Variants in RNF38 observed in about 807,000 individuals in gnomAD.
RNF38 encodes ring finger protein 38, also known as E3 ubiquitin-protein ligase RNF38.
Under a neutral mutation model 67.2 loss-of-function variants are expected in RNF38, and 15 were observed. The observed-to-expected ratio is 0.22, with a 90% CI of 0.15 to 0.34. The LOEUF (loss-of-function observed/expected upper bound fraction) is 0.34. Among genes scored for constraint, RNF38 ranks in the 10% least tolerant of loss-of-function variants. The pLI is 1.00. For synonymous variants in RNF38, 220 were observed against 218.8 expected, an observed-to-expected ratio of 1.01 and a Z score of -0.05; for missense variants, 524 against 639.9, an observed-to-expected ratio of 0.82 and a Z score of 1.95.
At chr9:36,485,304 G>GTATATATATA (rs1156313770) in intron 1 of RNF38, among the ~76,000 whole-genome samples, 3 of 150,276 alleles carry the variant, frequency 2.0e-5, no homozygotes, top group African/African-American at 7.6e-5. Context: ...ATCTCTTAGG[G>GTATATATATA]TATATATACA....
chr9:36,389,681 T>C (rs1455388064), intron 2 of RNF38, among the ~76,000 whole-genome samples: 1 of 152,214 alleles, frequency 6.6e-6, no homozygotes, highest in Non-Finnish European at 1.5e-5. Flanking sequence ...ACTTTATGTG[T>C]CACAAGCATT....
chr9:36,451,484 T>A, intron 1 of RNF38, among the ~76,000 whole-genome samples: 1 of 142,254 alleles, frequency 7.0e-6, no homozygotes, highest in Non-Finnish European at 1.5e-5. Flanking sequence ...AAAAAAAAAT[T>A]GTAGTAGTTT....
chr9:36,473,106 T>C (rs1840034655), intron 1 of RNF38, among the ~76,000 whole-genome samples: 1 of 151,248 alleles, frequency 6.6e-6, no homozygotes, highest in Non-Finnish European at 1.5e-5. Flanking sequence ...CACTCCAGCC[T>C]GGGTGACAAG....
intron 1 of RNF38, among the ~76,000 whole-genome samples, chr9:36,476,300 T>G (rs1033367778): frequency 5.9e-5 from 9 of 151,896 alleles, no homozygotes; most frequent in African/African-American, 1.2e-4. Flanking sequence ...TGTATTTTAG[T>G]AGAGACGGGG....
chr9:36,413,234 T>TA (rs1358283240), intron 2 of RNF38, among the ~76,000 whole-genome samples: 119 of 139,724 alleles, frequency 8.5e-4, no homozygotes, highest in East Asian at 1.2e-3. Context: ...CATCTCAATT[T>TA]AAAAAAAAAA....
intron 2 of RNF38, among the ~76,000 whole-genome samples, chr9:36,389,362 C>A (rs949238905): frequency 6.7e-6 from 1 of 149,712 alleles, no homozygotes; most frequent in Non-Finnish European, 1.5e-5. Context: ...AAAAAAAAAC[C>A]CTTTTTATTG....
At chr9:36,400,898 C>G (rs1318063592), upstream of RNF38, 5 of 982,112 alleles carry the variant, frequency 5.1e-6, no homozygotes, top group Non-Finnish European at 6.0e-6. Context: ...GGCCACGCCC[C>G]TCCCCGCCCC....
chr9:36,400,671 G>A (rs1384000420), upstream of RNF38: 6 of 985,710 alleles, frequency 6.1e-6, no homozygotes, highest in Non-Finnish European at 7.2e-6. Context: ...CCGTCCGCGG[G>A]CCTCCTCACC....
chr9:36,459,069 G>T (rs1482929277), intron 1 of RNF38, among the ~76,000 whole-genome samples: 3 of 151,998 alleles, frequency 2.0e-5, no homozygotes, highest in African/African-American at 7.2e-5. Context: ...TTAGGTGGGC[G>T]TGGTAGTGCA....
At chr9:36,356,519 T>C in intron 5 of RNF38, 46 bp from the exon 6 acceptor site, 3 of 1,462,884 alleles carry the variant, frequency 2.1e-6, no homozygotes, top group Non-Finnish European at 2.8e-6. Flanking sequence ...TCAGAATATA[T>C]GATTAATTTA....
upstream of RNF38, chr9:36,400,879 G>A (rs372408527): frequency 2.3e-4 from 227 of 984,462 alleles, 4 homozygotes; most frequent in East Asian, 0.014. Flanking sequence ...CGCACTAGGG[G>A]CCCGGCCCGG....
chr9:36,336,641 G>C lies in RNF38; in HGVS notation c.*3111C>G, dbSNP rs1016045380. On this transcript the variant is annotated 3_prime_UTR_variant, in exon 12 of 12. Coordinates refer to ENST00000259605, the MANE Select transcript of RNF38 (RefSeq NM_022781.5). ...ACAATGGAATATGATTTGAGAAAAT[G>C]ACTCAGCAAATGATTCCAAAAAACA... The C allele has an allele frequency of 6.6e-6, 1 of 152,496 alleles. No individual in the cohort carries two copies. Among genetic ancestry groups the C allele is most frequent in the Admixed American group, 6.6e-5 (1 of 15,256 alleles). 9.4% of individuals were successfully genotyped at this position (152,496 alleles called of 1,614,324 possible).
rs867796825 is a variant in RNF38, at chr9:36,450,601, C to A, written n.242-25918G>T. On this transcript the variant is annotated intron_variant and non_coding_transcript_variant, in intron 1 of 3. Coordinates refer to the RNF38 transcript ENST00000488058. ...TGAGTATTTCCTAACTTAATCATCACTATACCTATTCAATTCTCAAAATTA... is the reference window on the plus strand; with the variant it reads ...TGAGTATTTCCTAACTTAATCATCAATATACCTATTCAATTCTCAAAATTA... 5.9e-5 allele frequency among the ~76,000 whole-genome samples: 9 copies of A among 152,274 alleles called. 1 individual carries two copies. In the East Asian group the frequency reaches 7.7e-4, roughly 13 times the overall value.
chr9:36,425,171 T>C (rs1308810391), intron 1 of RNF38, among the ~76,000 whole-genome samples: 1 of 152,230 alleles, frequency 6.6e-6, no homozygotes, highest in East Asian at 1.9e-4. Flanking sequence ...AATATACCCA[T>C]TTGTAAATTT....
At chr9:36,475,012 T>C (rs1332350483) in intron 1 of RNF38, among the ~76,000 whole-genome samples, 1 of 145,554 alleles carries the variant, frequency 6.9e-6, no homozygotes, top group Non-Finnish European at 1.5e-5. Context: ...CATGGTTGTG[T>C]GCACTTGTCG....
At chr9:36,405,005 TCA>T (rs1838144507), upstream of RNF38, among the ~76,000 whole-genome samples, 1 of 152,136 alleles carries the variant, frequency 6.6e-6, no homozygotes, top group South Asian at 2.1e-4. Context: ...GTGCAGTGGC[TCA>T]CACCTGCAAT....
chr9:36,463,289 C>T (rs1839779195), intron 1 of RNF38, among the ~76,000 whole-genome samples: 1 of 152,134 alleles, frequency 6.6e-6, no homozygotes, highest in Non-Finnish European at 1.5e-5. Flanking sequence ...TTGTTTCTTG[C>T]ATGTAAGTCA....
rs1489921667 is a variant in RNF38, at chr9:36,345,031, A to T, written c.1264-78T>A. The T allele has an allele frequency of 8.1e-6, 12 of 1,479,112 alleles. No homozygotes were observed. The Admixed American group carries it at 2.3e-4, about 28-fold the overall frequency. 91.6% of individuals were successfully genotyped at this position (1,479,112 alleles called of 1,614,324 possible). A position where few individuals can be genotyped will look rare whatever the true frequency, so the allele number is the denominator to read the frequency against. ...AATACTTTTTTTTTTTAAGAGATGGAGTCCTGCTATGTTGCCCAGGCTAGA... is the reference window on the plus strand; with the variant it reads ...AATACTTTTTTTTTTTAAGAGATGGTGTCCTGCTATGTTGCCCAGGCTAGA... On this transcript the variant is annotated intron_variant, in intron 9 of 11. Transcript: ENST00000259605.
intron 1 of RNF38, among the ~76,000 whole-genome samples, chr9:36,454,124 C>T (rs1310107282): frequency 6.6e-6 from 1 of 151,498 alleles, no homozygotes; most frequent in Admixed American, 6.6e-5. Context: ...AAAATTCTTT[C>T]ATACTTTTTT....
Sources: allele counts gnomAD v4.1 joint callset (sites outside exome capture counted in the v4.1 genomes callset), GRCh38; gene constraint gnomAD v4.1.1; transcripts MANE v1.5; gene names NCBI Gene and HGNC (gene_info 2026-07-23, HGNC 2026-07-21).